The following L2HGDH variants were observed in gnomAD, a reference collection of about 807,000 sequenced individuals.
L2HGDH encodes L-2-hydroxyglutarate dehydrogenase.
L2HGDH carries 34 observed loss-of-function variants against 51.5 expected under a neutral mutation model. That is an observed-to-expected ratio of 0.66 (90% CI 0.50 to 0.88). The LOEUF (loss-of-function observed/expected upper bound fraction) is 0.88, where lower values mean the gene tolerates loss of function less well. L2HGDH is among the 40% of genes least tolerant of loss of function. The pLI is 0.00. For synonymous variants in L2HGDH, 198 were observed against 197.9 expected (o/e 1.00, Z -0.01); for missense variants, 558 against 571.9 (o/e 0.98, Z 0.25).
chr14:50,252,468 A>G (rs1218125796), intron 9 of L2HGDH, among the ~76,000 whole-genome samples: 1 of 150,040 alleles, frequency 6.7e-6, no homozygotes, highest in African/African-American at 2.5e-5. Context: ...GTCTGCAGTC[A>G]AAAAGACATA....
intron 4 of L2HGDH, 97 bp downstream of exon 4, chr14:50,294,018 T>C (rs755682713): frequency 1.1e-5 from 15 of 1,398,324 alleles, no homozygotes; most frequent in Non-Finnish European, 1.5e-5. Flanking sequence ...ATTATCTAAC[T>C]GATTTTATAT....
At chr14:50,254,304 A>C (rs1425181474) in intron 9 of L2HGDH, among the ~76,000 whole-genome samples, 1 of 152,094 alleles carries the variant, frequency 6.6e-6, no homozygotes, top group African/African-American at 2.4e-5. Flanking sequence ...TATGTACCCC[A>C]AAAATATATA....
At position 50,309,740 on chromosome 14, in the gene L2HGDH, C is replaced by T. The variant is rs193004337; in HGVS notation, c.140+2271G>A. 3.3e-3 allele frequency among the ~76,000 whole-genome samples: 501 copies of T among 149,764 alleles called. 2 individuals carry two copies. Among genetic ancestry groups the T allele is most frequent in the African/African-American group, 0.011 (437 of 40,622 alleles). On this transcript the variant is annotated intron_variant, in intron 1 of 9. Transcript: ENST00000267436. ...CTCTGTTGTCCAGGCTTCAGCGCGG[C>T]GGTGTAATCACAGGTCACCACACCT... is the stretch of plus-strand genomic sequence containing the variant.
chr14:50,256,317 C>T (rs1566504538), intron 9 of L2HGDH, among the ~76,000 whole-genome samples: 1 of 151,044 alleles, frequency 6.6e-6, no homozygotes, highest in African/African-American at 2.4e-5. Context: ...GAGTTCCAAA[C>T]CAGCTTGGAC....
intron 3 of L2HGDH, 99 bp downstream of exon 3, chr14:50,301,918 G>T: frequency 8.2e-7 from 1 of 1,221,946 alleles, no homozygotes; most frequent in Admixed American, 1.9e-5. Flanking sequence ...AAATTACATA[G>T]ATACAAAGAA....
At chr14:50,291,150 AT>A (rs1246460659) in intron 4 of L2HGDH, among the ~76,000 whole-genome samples, 2 of 137,296 alleles carry the variant, frequency 1.5e-5, no homozygotes, top group Admixed American at 8.0e-5. Flanking sequence ...GTGAGCCGAA[AT>A]TGTGCCACTG....
intron 1 of L2HGDH, among the ~76,000 whole-genome samples, chr14:50,306,584 G>C (rs545757533): frequency 7.6e-6 from 1 of 132,130 alleles, no homozygotes; most frequent in South Asian, 2.4e-4. Flanking sequence ...TTTTTGGGGG[G>C]TTTTTTTGTT....
At chr14:50,255,798 G>C (rs1009172657) in intron 9 of L2HGDH, among the ~76,000 whole-genome samples, 1 of 151,824 alleles carries the variant, frequency 6.6e-6, no homozygotes, top group Non-Finnish European at 1.5e-5. Context: ...GGAGGCTCGA[G>C]GGGTGGATCG....
chr14:50,278,164 A>C (rs185138308), intron 6 of L2HGDH, among the ~76,000 whole-genome samples: 52 of 152,324 alleles, frequency 3.4e-4, no homozygotes, highest in African/African-American at 1.2e-3. Context: ...AAAGCAGTCC[A>C]TCTCCCTCTG....
chr14:50,265,280 C>T, intron 9 of L2HGDH, 78 bp downstream of exon 9: 1 of 1,242,808 alleles, frequency 8.0e-7, no homozygotes, highest in Non-Finnish European at 1.2e-6. Flanking sequence ...ATGGTACTTA[C>T]TAATCACCAA....
intron 6 of L2HGDH, among the ~76,000 whole-genome samples, chr14:50,270,735 T>C (rs1889631297): frequency 6.6e-6 from 1 of 152,090 alleles, no homozygotes; most frequent in African/African-American, 2.4e-5. Flanking sequence ...CTCGATCTCC[T>C]GACCTCGTGA....
chr14:50,267,535 GTTATAC>G, intron 8 of L2HGDH, among the ~76,000 whole-genome samples: 1 of 152,092 alleles, frequency 6.6e-6, no homozygotes, highest in South Asian at 2.1e-4. Flanking sequence ...TAGTTAAAAT[GTTATAC>G]TTATTCCAAA....
chr14:50,302,112 G>A lies in L2HGDH; in HGVS notation c.313C>T (p.Pro105Ser). 1 of 1,614,018 alleles carries A rather than the reference G, an allele frequency of 6.2e-7. No homozygotes were observed. The highest frequency in any genetic ancestry group is 2.2e-5 in the East Asian group (1 of 44,876). Residue 105 changes from proline to serine, a missense_variant, in exon 3 of 10, where the codon CCT (proline) becomes TCT (serine). Pro to Ser is a moderately conservative substitution (Grantham distance 74). This residue lies in a region of L2HGDH where 194 missense variants were observed against 187.2 expected (regional missense o/e 1.04). Transcript: ENST00000267436. ...GVIHSGIYYK[P>S]ESLKAKLCVQ... The stretch of plus-strand genomic sequence containing the variant: ...CATAATTTGGCTTTCAGAGACTCAG[G>A]TTTATAATAAATTCCACTATGTATG...
chr14:50,261,443 A>T (rs1351795881), intron 9 of L2HGDH, among the ~76,000 whole-genome samples: 1 of 152,206 alleles, frequency 6.6e-6, no homozygotes, highest in Admixed American at 6.5e-5. Flanking sequence ...CTGTTAGATT[A>T]ACATGTCAAA....
At position 50,269,163 on chromosome 14, in the gene L2HGDH, C is replaced by A. The variant is rs144701373; in HGVS notation, c.906G>T (p.Pro302=). Residue 302 remains proline (P), a splice_region_variant and synonymous_variant, in exon 7 of 10, where the codon CCG becomes CCT. Transcript: ENST00000267436. ...KCYLVKGNIY[P]VPDSRFPFLG... ...AGAAGTAGGAAGCATCATTACCTAC[C>A]GGATAAATATTTCCTTTTACAAGAT... 1.3e-6 allele frequency: 2 copies of A among 1,542,288 alleles called. No individual in the cohort carries two copies. Among genetic ancestry groups the A allele is most frequent in the Non-Finnish European group, 1.8e-6 (2 of 1,133,252 alleles).
intron 4 of L2HGDH, among the ~76,000 whole-genome samples, chr14:50,286,344 A>T (rs1890565650): frequency 6.6e-6 from 1 of 152,110 alleles, no homozygotes; most frequent in Non-Finnish European, 1.5e-5. Context: ...CCTGCTCTGC[A>T]AGAAGTACTT....
intron 6 of L2HGDH, among the ~76,000 whole-genome samples, chr14:50,278,110 T>C (rs1890070588): frequency 6.6e-6 from 1 of 152,238 alleles, no homozygotes; most frequent in South Asian, 2.1e-4. Flanking sequence ...ACTGCTTCTA[T>C]GCCATTCAGT....
chr14:50,294,274 G>A (rs930410679), intron 3 of L2HGDH, 28 bp from the exon 4 acceptor site: 16 of 1,603,628 alleles, frequency 1.0e-5, no homozygotes, highest in Non-Finnish European at 1.2e-5. Context: ...TAAGGAGCAT[G>A]GATAGAGGTG....
At chr14:50,270,205 G>A (rs1383651387) in intron 6 of L2HGDH, among the ~76,000 whole-genome samples, 1 of 152,184 alleles carries the variant, frequency 6.6e-6, no homozygotes, top group African/African-American at 2.4e-5. Flanking sequence ...GCTTTAGACT[G>A]CTAATGTTAG....
Sources: gnomAD v4.1 joint callset for allele counts (sites outside exome capture counted in the v4.1 genomes callset) on GRCh38, gnomAD v4.1.1 for gene constraint, gnomAD v4.1.1 regional missense constraint, MANE v1.5 for transcripts, NCBI Gene and HGNC (gene_info 2026-07-23, HGNC 2026-07-21) for gene names.